Variants in ESRRG observed in about 807,000 individuals in gnomAD.
The protein encoded by ESRRG is estrogen related receptor gamma, also known as estrogen-related receptor gamma.
ESRRG carries 13 observed loss-of-function variants against 44.0 expected under a neutral mutation model. The observed-to-expected ratio is 0.30, with a 90% CI of 0.19 to 0.47. The LOEUF (loss-of-function observed/expected upper bound fraction) is 0.47. Ranked by LOEUF, ESRRG falls within the 20% of genes least tolerant of loss-of-function variation. The probability of loss-of-function intolerance (pLI) is 1.00; values close to 1 mark genes in which losing one functional copy is unlikely to be tolerated. For synonymous variants in ESRRG, 215 were observed against 214.6 expected, an observed-to-expected ratio of 1.00 and a Z score of -0.02; for missense variants, 395 against 580.6, an observed-to-expected ratio of 0.68 and a Z score of 3.29.
At chr1:217,112,485 C>T (rs540168137) in intron 1 of ESRRG, among the ~76,000 whole-genome samples, 2 of 152,110 alleles carry the variant, frequency 1.3e-5, no homozygotes, top group Non-Finnish European at 1.5e-5. Flanking sequence ...CTGTTGCCTA[C>T]AGTAACGTGG....
intron 2 of ESRRG, among the ~76,000 whole-genome samples, chr1:216,934,315 T>C (rs570201785): frequency 1.1e-4 from 16 of 152,122 alleles, no homozygotes; most frequent in Admixed American, 1.0e-3. Flanking sequence ...GGACCTATAA[T>C]ACCACCTACT....
chr1:217,089,961 C>G (rs527837487), upstream of ESRRG, among the ~76,000 whole-genome samples: 3 of 152,302 alleles, frequency 2.0e-5, no homozygotes, highest in South Asian at 2.1e-4. Flanking sequence ...AGGTTCTCCT[C>G]GGGTGGTTAC....
intron 2 of ESRRG, among the ~76,000 whole-genome samples, chr1:216,869,556 G>A (rs2096229725): frequency 6.6e-6 from 1 of 151,980 alleles, no homozygotes; most frequent in Admixed American, 6.5e-5. Flanking sequence ...AAAAACTTTA[G>A]AATCAGTTTG....
intron 6 of ESRRG, among the ~76,000 whole-genome samples, chr1:216,512,034 G>A (rs191461482): frequency 9.2e-5 from 14 of 152,158 alleles, no homozygotes; most frequent in African/African-American, 3.4e-4. Flanking sequence ...AGAGATAAGA[G>A]AAAGCATTAC....
At chr1:216,855,642 G>A (rs1414514336) in intron 2 of ESRRG, among the ~76,000 whole-genome samples, 1 of 152,160 alleles carries the variant, frequency 6.6e-6, no homozygotes, top group Non-Finnish European at 1.5e-5. Flanking sequence ...GTGGAAGGAA[G>A]AGTCCTCTCT....
rs755502621 is a variant in ESRRG, at chr1:217,021,083, C to CACACAG, written c.-106+68423_-106+68424insCTGTGT. Among the ~76,000 whole-genome samples, 10 of 146,604 alleles carry CACACAG rather than the reference C, an allele frequency of 6.8e-5. No individual in the cohort carries two copies. The East Asian group carries it at 1.4e-3, about 20-fold the overall frequency. On this transcript the variant is annotated intron_variant, in intron 1 of 7. Transcript: ENST00000359162. Reference sequence around the variant, plus strand: ...ACACACACACACACACACATACACACAGAGAAAGATACACTCACTCACTCA... The same window carrying CACACAG: ...ACACACACACACACACACATACACACACACAGAGAGAAAGATACACTCACTCACTCA...
At chr1:217,040,026 G>T (rs774285324) in intron 1 of ESRRG, among the ~76,000 whole-genome samples, 25 of 152,154 alleles carry the variant, frequency 1.6e-4, no homozygotes, top group Non-Finnish European at 3.2e-4. Context: ...ACACACAAGA[G>T]CAGGGTGAGA....
chr1:216,510,793 GA>G (rs1304130094), intron 6 of ESRRG, among the ~76,000 whole-genome samples: 1 of 152,082 alleles, frequency 6.6e-6, no homozygotes, highest in Non-Finnish European at 1.5e-5. Flanking sequence ...GCTGAGGCAT[GA>G]ACCCGGGAGG....
At chr1:216,882,811 T>G (rs186752829) in intron 2 of ESRRG, among the ~76,000 whole-genome samples, 2 of 152,300 alleles carry the variant, frequency 1.3e-5, no homozygotes, top group African/African-American at 4.8e-5. Context: ...TTATTTTTAA[T>G]GTCCAAGTTT....
chr1:216,853,222 C>T (rs2149003359), intron 2 of ESRRG, among the ~76,000 whole-genome samples: 1 of 152,270 alleles, frequency 6.6e-6, no homozygotes, highest in Admixed American at 6.5e-5. Flanking sequence ...AATTGGCTGA[C>T]TGGTAGCAAA....
intron 2 of ESRRG, among the ~76,000 whole-genome samples, chr1:216,803,073 T>C (rs2148334095): frequency 6.6e-6 from 1 of 152,138 alleles, no homozygotes; most frequent in South Asian, 2.1e-4. Context: ...TAGTAAAAAC[T>C]GGAGTGAGAA....
chr1:217,119,005 GGATAGATAGATA>G (rs55952668), intron 1 of ESRRG, among the ~76,000 whole-genome samples: 1,438 of 137,458 alleles, frequency 0.01, 12 homozygotes, highest in African/African-American at 0.015. Context: ...GAAACTAGAT[GGATAGATAGATA>G]GATAGATAGA....
intron 5 of ESRRG, among the ~76,000 whole-genome samples, chr1:216,524,427 T>C (rs1321910152): frequency 6.6e-6 from 1 of 151,630 alleles, no homozygotes; most frequent in East Asian, 1.9e-4. Context: ...TTAAAATTTT[T>C]CTTTAAAAGA....
intron 2 of ESRRG, among the ~76,000 whole-genome samples, chr1:216,914,474 G>A (rs1038749746): frequency 2.6e-5 from 4 of 152,064 alleles, no homozygotes. Flanking sequence ...CAGTGGCCCT[G>A]CAACTCTCTA....
chr1:216,632,246 T>A (rs185249818), intron 3 of ESRRG, among the ~76,000 whole-genome samples: 42 of 152,316 alleles, frequency 2.8e-4, no homozygotes, highest in Admixed American at 6.5e-4. Context: ...GCTCACTGAC[T>A]TAAGTCTCAT....
intron 2 of ESRRG, among the ~76,000 whole-genome samples, chr1:216,739,712 A>T (rs1458320002): frequency 6.6e-6 from 1 of 152,186 alleles, no homozygotes; most frequent in Non-Finnish European, 1.5e-5. Flanking sequence ...GATTTAGAAG[A>T]AATGAAAACC....
rs78683535 is a variant in ESRRG at position 216,693,673 on chromosome 1, G to A, written c.57-16182C>T. Among the ~76,000 whole-genome samples, 1,474 of 152,178 alleles carry A rather than the reference G, an allele frequency of 9.7e-3. 19 individuals are homozygous for A. Among genetic ancestry groups the A allele is most frequent in the African/African-American group, 0.034 (1,397 of 41,514 alleles). On this transcript the variant is annotated intron_variant, in intron 1 of 6. Coordinates refer to ENST00000408911, the MANE Select transcript of ESRRG (RefSeq NM_001438.4). The stretch of plus-strand genomic sequence containing the variant: ...ATACTGTATTGTTTAGGGAATAATG[G>A]CAATTAAAAAGTCTGTACATGTTCA...
At chr1:217,115,261 G>A (rs1200657861) in intron 1 of ESRRG, among the ~76,000 whole-genome samples, 1 of 152,106 alleles carries the variant, frequency 6.6e-6, no homozygotes, top group Non-Finnish European at 1.5e-5. Flanking sequence ...TTTCTTCTTT[G>A]GATCTTCAGA....
chr1:216,954,530 C>T (rs146287974), intron 1 of ESRRG, among the ~76,000 whole-genome samples: 12 of 152,196 alleles, frequency 7.9e-5, no homozygotes, highest in Non-Finnish European at 1.5e-4. Flanking sequence ...TTCAATATAA[C>T]GCACTAAAGG....
Sources: allele counts gnomAD v4.1 joint callset (sites outside exome capture counted in the v4.1 genomes callset), GRCh38; gene constraint gnomAD v4.1.1; transcripts MANE v1.5; gene names NCBI Gene and HGNC (gene_info 2026-07-23, HGNC 2026-07-21).